The following CORO2B variants were observed in gnomAD, a reference collection of about 807,000 sequenced individuals.
CORO2B encodes the protein coronin 2B.
Under a neutral mutation model 58.8 loss-of-function variants are expected in CORO2B, and 26 were observed. The observed-to-expected ratio is 0.44, with a 90% CI of 0.32 to 0.61. CORO2B has a LOEUF of 0.61. Among genes scored for constraint, CORO2B ranks in the 20% least tolerant of loss-of-function variants. The probability of loss-of-function intolerance (pLI) is 0.04; values close to 1 mark genes in which losing one functional copy is unlikely to be tolerated. For missense variants in CORO2B, 460 were observed against 645.1 expected, an observed-to-expected ratio of 0.71 and a Z score of 3.11; for synonymous variants, 242 against 253.8, an observed-to-expected ratio of 0.95 and a Z score of 0.44.
chr15:68,699,450 G>A, intron 3 of CORO2B, among the ~76,000 whole-genome samples: 1 of 152,154 alleles, frequency 6.6e-6, no homozygotes, highest in South Asian at 2.1e-4. Context: ...GAGAAGGGAA[G>A]AGCGGAGGGG....
upstream of CORO2B, among the ~76,000 whole-genome samples, chr15:68,578,313 G>T (rs1236100136): frequency 6.6e-6 from 1 of 152,202 alleles, no homozygotes; most frequent in East Asian, 1.9e-4. The surrounding 1 kb of genome is among the most constrained non-coding windows in gnomAD (Gnocchi z 4.2). Flanking sequence ...TGGAAAGAGC[G>T]GGAGGAACGG....
chr15:68,613,040 A>G (rs1056994905), intron 1 of CORO2B, among the ~76,000 whole-genome samples: 8 of 152,018 alleles, frequency 5.3e-5, no homozygotes, highest in Non-Finnish European at 1.0e-4. Context: ...CTCTCACTTC[A>G]CCAAAACTCC....
At chr15:68,597,484 G>T (rs972331747) in intron 1 of CORO2B, among the ~76,000 whole-genome samples, 1 of 151,966 alleles carries the variant, frequency 6.6e-6, no homozygotes, top group East Asian at 1.9e-4. Context: ...CATGCCCCAG[G>T]TCACACAACG....
intron 2 of CORO2B, among the ~76,000 whole-genome samples, chr15:68,664,730 CTT>C (rs1440163501): frequency 1.3e-5 from 2 of 152,094 alleles, no homozygotes; most frequent in African/African-American, 4.8e-5. Context: ...GAGTGGGAAA[CTT>C]TGTCAGAGTA....
chr15:68,685,793 A>C (rs1902951515), intron 2 of CORO2B, among the ~76,000 whole-genome samples: 1 of 152,166 alleles, frequency 6.6e-6, no homozygotes, highest in Admixed American at 6.5e-5. Flanking sequence ...TTTTATTGAT[A>C]ATTTAACTGA....
intron 1 of CORO2B, among the ~76,000 whole-genome samples, chr15:68,622,539 T>C (rs1227147938): frequency 6.6e-6 from 1 of 152,176 alleles, no homozygotes; most frequent in African/African-American, 2.4e-5. Flanking sequence ...TTTAATTGCC[T>C]TCAGCAATGG....
At chr15:68,716,945 T>C (rs530775818) in intron 8 of CORO2B, among the ~76,000 whole-genome samples, 1 of 152,160 alleles carries the variant, frequency 6.6e-6, no homozygotes, top group Non-Finnish European at 1.5e-5. Flanking sequence ...GAAATCATTA[T>C]GGGGAGGGTT....
At chr15:68,623,658 G>T (rs571445380) in intron 1 of CORO2B, among the ~76,000 whole-genome samples, 1 of 152,146 alleles carries the variant, frequency 6.6e-6, no homozygotes, top group Non-Finnish European at 1.5e-5. Flanking sequence ...AAATCCTGTT[G>T]GGCGTCTCCA....
intron 2 of CORO2B, among the ~76,000 whole-genome samples, chr15:68,671,323 C>A (rs1299439254): frequency 6.6e-6 from 1 of 152,098 alleles, no homozygotes; most frequent in Non-Finnish European, 1.5e-5. Context: ...AGGGACTGTG[C>A]CCACAGTTTG....
intron 3 of CORO2B, among the ~76,000 whole-genome samples, chr15:68,698,594 C>T (rs1460804518): frequency 6.6e-6 from 1 of 152,204 alleles, no homozygotes; most frequent in Non-Finnish European, 1.5e-5. Flanking sequence ...GTATGCCTTG[C>T]ACCACCCTGG....
At chr15:68,661,777 C>A (rs534507690) in intron 2 of CORO2B, among the ~76,000 whole-genome samples, 1 of 152,294 alleles carries the variant, frequency 6.6e-6, no homozygotes, top group South Asian at 2.1e-4. Context: ...GAGGCCGAGG[C>A]AAGTGGATCT....
intron 2 of CORO2B, among the ~76,000 whole-genome samples, chr15:68,648,593 T>C (rs965692289): frequency 3.3e-5 from 5 of 151,404 alleles, no homozygotes; most frequent in African/African-American, 1.2e-4. Flanking sequence ...GAGCTTGCAG[T>C]GAGCCAAGAT....
chr15:68,697,747 G>T (rs1892548231), intron 3 of CORO2B, among the ~76,000 whole-genome samples: 1 of 152,234 alleles, frequency 6.6e-6, no homozygotes. Flanking sequence ...AGGTGCTGGA[G>T]CTGGGGGACA....
At chr15:68,578,036 T>C (rs565255120), upstream of CORO2B, among the ~76,000 whole-genome samples, 1 of 152,052 alleles carries the variant, frequency 6.6e-6, no homozygotes, top group East Asian at 1.9e-4. The surrounding 1 kb of genome is among the most constrained non-coding windows in gnomAD (Gnocchi z 4.2). Flanking sequence ...CTCTCCGCGG[T>C]TCTGTATCTG....
intron 2 of CORO2B, among the ~76,000 whole-genome samples, chr15:68,651,031 C>A (rs1243071461): frequency 6.6e-6 from 1 of 152,172 alleles, no homozygotes; most frequent in Non-Finnish European, 1.5e-5. Flanking sequence ...GTAGAAAGTT[C>A]AAACAGAACT....
At chr15:68,529,355 G>A in the CORO2B span, among the ~76,000 whole-genome samples, 1 of 152,118 alleles carries the variant, frequency 6.6e-6, no homozygotes. Flanking sequence ...GTCAACACAG[G>A]TCACAATAGG....
At chr15:68,644,897 G>A (rs1462386878) in intron 1 of CORO2B, among the ~76,000 whole-genome samples, 1 of 152,138 alleles carries the variant, frequency 6.6e-6, no homozygotes, top group Admixed American at 6.5e-5. Context: ...AAGTGGGGTG[G>A]GCATGTGTAC....
the CORO2B span, among the ~76,000 whole-genome samples, chr15:68,558,144 G>C: frequency 1.3e-5 from 2 of 152,138 alleles, no homozygotes; most frequent in Non-Finnish European, 2.9e-5. Flanking sequence ...CCAGCCTGGC[G>C]GAGGGCAGAT....
intron 2 of CORO2B, among the ~76,000 whole-genome samples, chr15:68,649,550 A>G (rs571742366): frequency 5.9e-5 from 9 of 152,172 alleles, no homozygotes; most frequent in Admixed American, 5.9e-4. Flanking sequence ...CAGTCTCAGG[A>G]TCACTTTCCA....
Sources: allele counts gnomAD v4.1 joint callset (sites outside exome capture counted in the v4.1 genomes callset), GRCh38; gene constraint gnomAD v4.1.1; non-coding constraint Gnocchi (gnomAD v3.1); transcripts MANE v1.5; gene names NCBI Gene and HGNC (gene_info 2026-07-23, HGNC 2026-07-21).